Variants in NCKAP5 observed in about 807,000 individuals in gnomAD.
NCKAP5 encodes NCK associated protein 5.
In NCKAP5, 92 loss-of-function variants were observed where a neutral mutation model predicts 167.0. That is an observed-to-expected ratio of 0.55 (90% CI 0.47 to 0.66). NCKAP5 has a LOEUF of 0.66. Ranked by LOEUF, NCKAP5 falls within the 30% of genes least tolerant of loss-of-function variation. The pLI, the probability that NCKAP5 is intolerant of heterozygous loss-of-function variation, is 0.00. For synonymous variants in NCKAP5, 891 were observed against 877.4 expected (o/e 1.02, Z -0.27); for missense variants, 2,378 against 2,315.0 (o/e 1.03, Z -0.56).
chr2:133,201,355 G>C (rs1032516617), intron 5 of NCKAP5, among the ~76,000 whole-genome samples: 2 of 152,146 alleles, frequency 1.3e-5, no homozygotes, highest in African/African-American at 4.8e-5. Context: ...AGAAATGGCA[G>C]CTACTGAAAC....
intron 19 of NCKAP5, among the ~76,000 whole-genome samples, chr2:132,676,140 A>G (rs543008300): frequency 2.6e-5 from 4 of 152,334 alleles, no homozygotes; most frequent in Non-Finnish European, 5.9e-5. Context: ...AGATACATCT[A>G]GATCAATATT....
At chr2:133,502,715 C>G (rs1416618731) in intron 3 of NCKAP5, among the ~76,000 whole-genome samples, 1 of 152,194 alleles carries the variant, frequency 6.6e-6, no homozygotes, top group East Asian at 1.9e-4. Context: ...ACAGCTATGA[C>G]AGAAGCACTG....
intron 3 of NCKAP5, among the ~76,000 whole-genome samples, chr2:133,384,519 G>T (rs1686781670): frequency 6.6e-6 from 1 of 152,154 alleles, no homozygotes; most frequent in East Asian, 1.9e-4. Flanking sequence ...TTCTGGCTTA[G>T]GACTGACTTG....
chr2:132,911,345 G>A (rs1694434358), intron 8 of NCKAP5: 1 of 152,140 alleles, frequency 6.6e-6, no homozygotes, highest in Non-Finnish European at 1.5e-5. Flanking sequence ...GTCCAGCTAG[G>A]AAATCAATTC....
At chr2:133,621,655 CAA>C in the NCKAP5 span, among the ~76,000 whole-genome samples, 10 of 151,774 alleles carry the variant, frequency 6.6e-5, no homozygotes, top group African/African-American at 2.4e-4. Context: ...AAATTGCCAA[CAA>C]AAAAAGTCCA....
intron 3 of NCKAP5, among the ~76,000 whole-genome samples, chr2:133,491,961 A>G (rs1421808461): frequency 1.3e-5 from 2 of 152,172 alleles, no homozygotes; most frequent in African/African-American, 4.8e-5. Context: ...TACTACTCAT[A>G]TGGTAAACAG....
At chr2:132,931,895 A>G (rs1354716861) in intron 8 of NCKAP5, among the ~76,000 whole-genome samples, 2 of 152,226 alleles carry the variant, frequency 1.3e-5, no homozygotes, top group Non-Finnish European at 2.9e-5. Context: ...TACGATAGAA[A>G]GACATGTTAC....
chr2:133,330,244 ATT>A (rs765058418), intron 3 of NCKAP5, among the ~76,000 whole-genome samples: 2,378 of 88,172 alleles, frequency 0.027, 80 homozygotes, highest in African/African-American at 0.098. Context: ...TATTTTTTGT[ATT>A]TTTTTTTTTT....
chr2:132,879,886 C>A (rs769199476), intron 8 of NCKAP5, among the ~76,000 whole-genome samples: 1 of 152,064 alleles, frequency 6.6e-6, no homozygotes, highest in East Asian at 1.9e-4. Context: ...TTTTCTAAAC[C>A]TTTTATTTGG....
At chr2:133,451,233 A>C (rs1351678779) in intron 3 of NCKAP5, among the ~76,000 whole-genome samples, 1 of 152,176 alleles carries the variant, frequency 6.6e-6, no homozygotes, top group Non-Finnish European at 1.5e-5. Flanking sequence ...CTTTACTCTG[A>C]TCTTACAGTC....
At chr2:132,755,654 C>T (rs536410306) in intron 16 of NCKAP5, among the ~76,000 whole-genome samples, 32 of 151,882 alleles carry the variant, frequency 2.1e-4, no homozygotes, top group African/African-American at 7.7e-4. Flanking sequence ...CATGGTGAAA[C>T]CCCGTCTCAA....
chr2:133,189,224 A>T (rs1013785959), intron 5 of NCKAP5, among the ~76,000 whole-genome samples: 1 of 152,156 alleles, frequency 6.6e-6, no homozygotes, highest in African/African-American at 2.4e-5. Flanking sequence ...GCCTCCCAAG[A>T]CTAAACCAGG....
rs892426301 is a variant in NCKAP5 at position 133,101,069 on chromosome 2, T to C, written c.341+28909A>G. On this transcript the variant is annotated intron_variant, in intron 6 of 19. Coordinates refer to ENST00000409261, the MANE Select transcript of NCKAP5 (RefSeq NM_207363.3). Reference sequence around the variant, plus strand: ...TTTAAACCTTTAATCCATCTTGAATTGATTTTTGTATAAGGTGTAAGGAAG... The same window carrying C: ...TTTAAACCTTTAATCCATCTTGAATCGATTTTTGTATAAGGTGTAAGGAAG... 4.0e-4 allele frequency among the ~76,000 whole-genome samples: 61 copies of C among 151,684 alleles called. 1 individual carries two copies. Among genetic ancestry groups the C allele is most frequent in the Non-Finnish European group, 8.4e-4 (57 of 67,962 alleles).
At chr2:132,979,484 C>A (rs990525793) in intron 7 of NCKAP5, among the ~76,000 whole-genome samples, 1 of 152,096 alleles carries the variant, frequency 6.6e-6, no homozygotes, top group African/African-American at 2.4e-5. Context: ...TCCCCAGCAA[C>A]GAGCTTCCTA....
intron 11 of NCKAP5, among the ~76,000 whole-genome samples, chr2:132,834,139 G>A (rs1687716102): frequency 6.6e-6 from 1 of 151,914 alleles, no homozygotes; most frequent in Admixed American, 6.6e-5. Context: ...CTAGGTATAA[G>A]ATCATATCAT....
At position 133,362,819 on chromosome 2, in the gene NCKAP5, T is replaced by A. The variant is rs1296886992; in HGVS notation, c.70-59709A>T. Reference sequence around the variant, plus strand: ...CCCAGGCTGGAGTGCAGTGGCGTGATCTCAGCTCACTGCAAGCTCTGTCTC... The same window carrying A: ...CCCAGGCTGGAGTGCAGTGGCGTGAACTCAGCTCACTGCAAGCTCTGTCTC... On this transcript the variant is annotated intron_variant, in intron 3 of 19. Coordinates refer to ENST00000409261, the MANE Select transcript of NCKAP5 (RefSeq NM_207363.3). Among the ~76,000 whole-genome samples the A allele has an allele frequency of 3.9e-5, 6 of 152,178 alleles. No individual in the cohort carries two copies. The East Asian group carries it at 1.2e-3, about 29-fold the overall frequency.
chr2:133,135,927 A>G (rs1344346437), intron 5 of NCKAP5, among the ~76,000 whole-genome samples: 8 of 152,248 alleles, frequency 5.3e-5, no homozygotes, highest in African/African-American at 1.9e-4. Context: ...TAAACTCTGT[A>G]TAACATTTGT....
rs183378837 is a variant in NCKAP5, at chr2:132,853,265, A to G, written c.807+7227T>C. The stretch of plus-strand genomic sequence containing the variant: ...TTTAAAATTTGAGAGACTACATGCA[A>G]AAGTCTGCATTTCTAGCTTCTTACA... On this transcript the variant is annotated intron_variant, in intron 11 of 19. Coordinates refer to ENST00000409261, the MANE Select transcript of NCKAP5 (RefSeq NM_207363.3). 2.3e-4 allele frequency among the ~76,000 whole-genome samples: 35 copies of G among 152,292 alleles called. No homozygotes were observed. The East Asian group carries it at 5.8e-3, about 25-fold the overall frequency.
chr2:133,273,967 G>T lies in NCKAP5; in HGVS notation c.143+29070C>A, dbSNP rs148412100. Among the ~76,000 whole-genome samples, 1,127 of 134,756 alleles carry T rather than the reference G, an allele frequency of 8.4e-3. 16 individuals are homozygous for T. Among genetic ancestry groups the T allele is most frequent in the Middle Eastern group, 0.041 (10 of 244 alleles). 88.4% of individuals were successfully genotyped at this position (134,756 alleles called of 152,430 possible). On this transcript the variant is annotated intron_variant, in intron 4 of 19. Transcript: ENST00000409261. ...GAATGCCCTTAACCTGATAAAGTTT[G>T]TCTACCAAAAAAAAAAAAAAAAATC...
Sources: gnomAD v4.1 joint callset for allele counts (sites outside exome capture counted in the v4.1 genomes callset) on GRCh38, gnomAD v4.1.1 for gene constraint, MANE v1.5 for transcripts, NCBI Gene and HGNC (gene_info 2026-07-23, HGNC 2026-07-21) for gene names.